IL16: variants seen among roughly 807,000 people sequenced by gnomAD.
IL16 encodes the protein pro-interleukin-16.
IL16 carries 67 observed loss-of-function variants against 110.1 expected under a neutral mutation model. The observed-to-expected ratio is 0.61, with a 90% CI of 0.50 to 0.75. The LOEUF (loss-of-function observed/expected upper bound fraction) is 0.75. Among genes scored for constraint, IL16 ranks in the 30% least tolerant of loss-of-function variants. The pLI, the probability that IL16 is intolerant of heterozygous loss-of-function variation, is 0.00. For missense variants in IL16, 1,545 were observed against 1,655.0 expected (o/e 0.93, Z 1.15); for synonymous variants, 689 against 662.9 (o/e 1.04, Z -0.61).
intron 1 of IL16, among the ~76,000 whole-genome samples, chr15:81,209,915 G>T (rs1243670879): frequency 6.6e-6 from 1 of 152,186 alleles, no homozygotes; most frequent in Non-Finnish European, 1.5e-5. Flanking sequence ...ATTGCTTTTG[G>T]GGACTTGGCC....
At chr15:81,288,882 G>C (rs1342923992) in intron 10 of IL16, among the ~76,000 whole-genome samples, 1 of 151,428 alleles carries the variant, frequency 6.6e-6, no homozygotes, top group Non-Finnish European at 1.5e-5. Flanking sequence ...TTTATCATCT[G>C]TTTTTGGGTA....
chr15:81,185,070 G>C (rs1254336527), intron 1 of IL16, among the ~76,000 whole-genome samples: 1 of 152,170 alleles, frequency 6.6e-6, no homozygotes, highest in African/African-American at 2.4e-5. Context: ...AGCAGAGGGA[G>C]GCTCTGCATA....
chr15:81,272,804 G>A (rs1898700629), intron 5 of IL16, among the ~76,000 whole-genome samples: 1 of 152,172 alleles, frequency 6.6e-6, no homozygotes, highest in Non-Finnish European at 1.5e-5. Context: ...CAGGGTGCTG[G>A]TCTCCATCCA....
At chr15:81,265,839 T>C in intron 4 of IL16, 38 bp downstream of exon 4, 2 of 1,581,840 alleles carry the variant, frequency 1.3e-6, no homozygotes, top group Non-Finnish European at 1.7e-6. Flanking sequence ...GAAGAGTTTC[T>C]CCCGGGGAGA....
rs1391353446 is a variant in IL16 at position 81,312,621 on chromosome 15, TAA to T, written c.*3825_*3826del. The T allele has an allele frequency of 1.3e-5, 2 of 152,328 alleles. No homozygotes were observed. The highest frequency in any genetic ancestry group is 1.3e-4 in the Admixed American group (2 of 15,306). The allele number at this position is 152,328 out of a possible 1,614,324, so 9.4% of individuals were successfully genotyped here. On this transcript the variant is annotated 3_prime_UTR_variant, in exon 19 of 19. Transcript: ENST00000683961. ...GACATGAAACTCCACCTTGCGGGGA[TAA>T]AGAGAGAAAAACAAATTCATCAAAT...
chr15:81,290,307 G>A, intron 10 of IL16, 146 bp from the exon 11 acceptor site: 1 of 560,848 alleles, frequency 1.8e-6, no homozygotes, highest in Non-Finnish European at 3.2e-6. Flanking sequence ...GGTATTTCTG[G>A]AAATGGAATT....
chr15:81,262,146 G>A (rs1898183143), intron 3 of IL16, among the ~76,000 whole-genome samples: 2 of 152,116 alleles, frequency 1.3e-5, no homozygotes, highest in Non-Finnish European at 2.9e-5. Flanking sequence ...TGTTTTTGGT[G>A]AGTTTGCCTA....
At chr15:81,237,543 C>T (rs1036981206) in intron 2 of IL16, among the ~76,000 whole-genome samples, 2 of 152,032 alleles carry the variant, frequency 1.3e-5, no homozygotes, top group East Asian at 1.9e-4. Flanking sequence ...CCCTATACAC[C>T]GGTGTGTCAA....
At chr15:81,246,481 G>T (rs1412253479) in intron 2 of IL16, among the ~76,000 whole-genome samples, 1 of 152,142 alleles carries the variant, frequency 6.6e-6, no homozygotes. Context: ...AGTGGTAAAT[G>T]ATTTCATTTA....
chr15:81,182,719 A>T, exon 1 of IL16: 1 of 400,422 alleles, frequency 2.5e-6, no homozygotes, highest in South Asian at 2.0e-5. Flanking sequence ...AACAGTTCTA[A>T]CGAGGAGTTA....
intron 2 of IL16, among the ~76,000 whole-genome samples, chr15:81,228,116 A>G (rs1260088325): frequency 6.6e-6 from 1 of 152,086 alleles, no homozygotes; most frequent in Admixed American, 6.5e-5. Context: ...AAGACAGGCG[A>G]GGAGAGGTCT....
intron 1 of IL16, among the ~76,000 whole-genome samples, chr15:81,220,340 A>C (rs995249301): frequency 6.6e-6 from 1 of 152,150 alleles, no homozygotes; most frequent in Admixed American, 6.5e-5. Flanking sequence ...TTTTTGGTAG[A>C]GACAGGGTTT....
rs562794729 is a variant in IL16, at chr15:81,225,646, G to T, written c.247G>T (p.Ala83Ser). The T allele has an allele frequency of 6.2e-7, 1 of 1,614,082 alleles. No homozygotes were observed. The change falls in exon 2 of 19, where the codon GCT (alanine) becomes TCT (serine). Residue 83 changes from alanine to serine, a missense_variant. Ala to Ser is a moderately conservative substitution (Grantham distance 99). This residue lies in a region of IL16 where 1,185 missense variants were observed against 1,238.8 expected (regional missense o/e 0.96). Transcript: ENST00000683961. ...TCCTGATCTAGCACTGGCCTCGGAG[G>T]CTGCTCAACTCCAAGCAGCTGGGAA... is the stretch of plus-strand genomic sequence containing the variant. ...SVPDLALASEAAQLQAAGNDR... is the reference protein window; with the variant it reads ...SVPDLALASESAQLQAAGNDR...
intron 1 of IL16, among the ~76,000 whole-genome samples, chr15:81,210,435 T>G (rs959023280): frequency 1.3e-5 from 2 of 152,260 alleles, no homozygotes; most frequent in Non-Finnish European, 2.9e-5. Context: ...GCATTCAATC[T>G]TTAAATTGCT....
chr15:81,306,137 C>A lies in IL16; in HGVS notation c.3650C>A (p.Ser1217Tyr), dbSNP rs749714607. 5.6e-6 allele frequency: 9 copies of A among 1,614,056 alleles called. No homozygotes were observed. The highest frequency in any genetic ancestry group is 5.0e-5 in the Admixed American group (3 of 60,012). ...NSSTDSAASA[S>Y]AASDVSVEST... ...TCCACTGACTCTGCAGCCTCAGCCTCTGCAGCCAGTGATGTTTCTGTAGAA... is the reference window on the plus strand; with the variant it reads ...TCCACTGACTCTGCAGCCTCAGCCTATGCAGCCAGTGATGTTTCTGTAGAA... The change falls in exon 17 of 19, where the codon TCT becomes TAT. Residue 1217 changes from serine to tyrosine, a missense_variant. Transcript: ENST00000683961.
intron 1 of IL16, among the ~76,000 whole-genome samples, chr15:81,212,627 G>T: frequency 6.6e-6 from 1 of 151,690 alleles, no homozygotes; most frequent in South Asian, 2.1e-4. Context: ...TCCCTCCACC[G>T]CACCCAGCTA....
In IL16 at chr15:81,313,061, G is replaced by A. The variant is rs996525471; in HGVS notation, c.*4263G>A. The A allele has an allele frequency of 1.3e-5, 7 of 519,022 alleles. No individual in the cohort carries two copies. Among genetic ancestry groups the A allele is most frequent in the African/African-American group, 1.0e-4 (5 of 50,024 alleles). The allele number at this position is 519,022 out of a possible 1,614,324, so 32.2% of individuals were successfully genotyped here. A position where few individuals can be genotyped will look rare whatever the true frequency, so the allele number is the denominator to read the frequency against. On this transcript the variant is annotated 3_prime_UTR_variant, in exon 19 of 19. Coordinates refer to ENST00000683961, the MANE Select transcript of IL16 (RefSeq NM_172217.5). ...GGAACACATGAATGGCTCATCACAC[G>A]CCAACCCTGAGTGGGGCAGGAGGCA...
chr15:81,192,339 G>A (rs1016852046), upstream of IL16, among the ~76,000 whole-genome samples: 1 of 152,160 alleles, frequency 6.6e-6, no homozygotes, highest in Non-Finnish European at 1.5e-5. Flanking sequence ...AGTGGCTCAT[G>A]CCTATAATCC....
chr15:81,241,499 T>C (rs562283139), intron 2 of IL16, among the ~76,000 whole-genome samples: 1 of 152,152 alleles, frequency 6.6e-6, no homozygotes, highest in Non-Finnish European at 1.5e-5. Context: ...GGCTTACATA[T>C]CTTTCATTAG....
Sources: allele counts gnomAD v4.1 joint callset (sites outside exome capture counted in the v4.1 genomes callset), GRCh38; gene constraint gnomAD v4.1.1; regional missense constraint gnomAD v4.1.1; transcripts MANE v1.5; gene names NCBI Gene and HGNC (gene_info 2026-07-23, HGNC 2026-07-21).